The following UNC5D variants were observed in gnomAD, a reference collection of about 807,000 sequenced individuals.
UNC5D encodes netrin receptor UNC5D.
A neutral mutation model predicts 105.4 loss-of-function variants in UNC5D; 39 were observed. The observed-to-expected ratio is 0.37, with a 90% confidence interval of 0.29 to 0.48. The LOEUF (loss-of-function observed/expected upper bound fraction) is 0.48. Ranked by LOEUF, UNC5D falls within the 20% of genes least tolerant of loss-of-function variation. The pLI, the probability that UNC5D is intolerant of heterozygous loss-of-function variation, is 0.98. For missense variants in UNC5D, 991 were observed against 1,202.4 expected, an observed-to-expected ratio of 0.82 and a Z score of 2.60; for synonymous variants, 452 against 450.4, an observed-to-expected ratio of 1.00 and a Z score of -0.04.
At position 35,774,379 on chromosome 8, in the gene UNC5D, T is replaced by C; in HGVS notation, c.2559T>C (p.Ile853=). 6.2e-7 allele frequency: 1 copy of C among 1,613,972 alleles called. No individual in the cohort carries two copies. Among genetic ancestry groups the C allele is most frequent in the South Asian group, 1.1e-5 (1 of 91,078 alleles). The change falls in exon 16 of 17, where the codon ATT becomes ATC. Residue 853 remains isoleucine, a synonymous_variant. Coordinates refer to ENST00000404895, the MANE Select transcript of UNC5D (RefSeq NM_080872.4). ...PAQTGPKAFK[I]PYSIRQRICA... is the part of the protein sequence containing the mutation. ...AGACTGGCCCCAAAGCCTTCAAAAT[T>C]CCCTACTCCATCAGACAGCGGATTT...
chr8:35,371,620 T>C (rs993022800), intron 1 of UNC5D, among the ~76,000 whole-genome samples: 1 of 152,134 alleles, frequency 6.6e-6, no homozygotes. Context: ...TACCAAGTTA[T>C]GGTTTGTTAT....
intron 1 of UNC5D, among the ~76,000 whole-genome samples, chr8:35,350,383 C>G (rs568838634): frequency 1.3e-5 from 2 of 152,028 alleles, no homozygotes; most frequent in South Asian, 4.1e-4. Context: ...TCTCCCTTAG[C>G]GTAGGTGTCT....
intron 1 of UNC5D, among the ~76,000 whole-genome samples, chr8:35,502,736 T>C (rs1426742125): frequency 1.3e-5 from 2 of 151,704 alleles, no homozygotes. Flanking sequence ...TTTTTTTTTT[T>C]TTGTATTTTT....
chr8:35,389,626 A>G (rs900592010), intron 1 of UNC5D, among the ~76,000 whole-genome samples: 1 of 152,030 alleles, frequency 6.6e-6, no homozygotes, highest in Non-Finnish European at 1.5e-5. Flanking sequence ...CATTCTTTGC[A>G]TGGTTAAATA....
chr8:35,385,202 G>A (rs1803309290), intron 1 of UNC5D, among the ~76,000 whole-genome samples: 1 of 152,130 alleles, frequency 6.6e-6, no homozygotes, highest in South Asian at 2.1e-4. Flanking sequence ...GCAGCATGGG[G>A]ATTACTCCTT....
chr8:35,705,843 G>T, intron 7 of UNC5D, 86 bp from the exon 8 acceptor site: 1 of 763,548 alleles, frequency 1.3e-6, no homozygotes, highest in Non-Finnish European at 2.0e-6. Context: ...ATTTATAGAG[G>T]TAGATATAAA....
chr8:35,273,603 C>T (rs1473370493), intron 1 of UNC5D, among the ~76,000 whole-genome samples: 1 of 152,158 alleles, frequency 6.6e-6, no homozygotes, highest in Non-Finnish European at 1.5e-5. Flanking sequence ...AGGTGGATTT[C>T]AGAAGTATTT....
intron 1 of UNC5D, among the ~76,000 whole-genome samples, chr8:35,309,839 C>T (rs898112203): frequency 1.3e-5 from 2 of 152,116 alleles, no homozygotes; most frequent in African/African-American, 4.8e-5. Context: ...CAAATAATTG[C>T]ATGTTAAGCA....
chr8:35,360,808 T>C (rs921571385), intron 1 of UNC5D, among the ~76,000 whole-genome samples: 18 of 152,132 alleles, frequency 1.2e-4, no homozygotes, highest in Non-Finnish European at 1.6e-4. Context: ...ATTGGCAATA[T>C]ATATTTTTTA....
intron 1 of UNC5D, among the ~76,000 whole-genome samples, chr8:35,301,785 C>T (rs937140872): frequency 6.6e-6 from 1 of 151,996 alleles, no homozygotes; most frequent in Non-Finnish European, 1.5e-5. Flanking sequence ...TAAATAAACA[C>T]TTGAATAGAA....
intron 1 of UNC5D, among the ~76,000 whole-genome samples, chr8:35,409,466 A>G (rs1006570919): frequency 2.7e-5 from 4 of 149,392 alleles, no homozygotes; most frequent in East Asian, 1.9e-4. Flanking sequence ...CTGGTTTCTC[A>G]TGGTTTTAAC....
chr8:35,601,182 A>G (rs1257128209), intron 4 of UNC5D, among the ~76,000 whole-genome samples: 1 of 152,126 alleles, frequency 6.6e-6, no homozygotes, highest in Non-Finnish European at 1.5e-5. Flanking sequence ...TACCAGTACC[A>G]TGCTGTTTTG....
At chr8:35,589,601 A>T (rs1819027627) in intron 3 of UNC5D, among the ~76,000 whole-genome samples, 1 of 152,142 alleles carries the variant, frequency 6.6e-6, no homozygotes, top group East Asian at 1.9e-4. Context: ...GAATATTTCC[A>T]TCACAACATA....
intron 1 of UNC5D, among the ~76,000 whole-genome samples, chr8:35,343,868 G>A (rs74567754): frequency 2.0e-5 from 3 of 152,182 alleles, no homozygotes; most frequent in East Asian, 3.9e-4. Context: ...TTCTATTTAA[G>A]GACTGCTTTT....
intron 3 of UNC5D, among the ~76,000 whole-genome samples, chr8:35,594,731 T>C (rs905271396): frequency 2.6e-5 from 4 of 152,192 alleles, no homozygotes; most frequent in African/African-American, 9.7e-5. Flanking sequence ...TGTCCATCTA[T>C]GTCCTTTTCC....
At chr8:35,748,320 A>G (rs1830101543) in intron 11 of UNC5D, among the ~76,000 whole-genome samples, 1 of 152,182 alleles carries the variant, frequency 6.6e-6, no homozygotes, top group South Asian at 2.1e-4. Context: ...CAAAACCTAG[A>G]TTTGAAATCT....
intron 4 of UNC5D, among the ~76,000 whole-genome samples, chr8:35,598,367 G>A (rs1169225488): frequency 6.6e-6 from 1 of 152,126 alleles, no homozygotes; most frequent in Non-Finnish European, 1.5e-5. Context: ...TGCTGCTCAA[G>A]GCTATTTTCA....
chr8:35,244,264 T>G (rs751136865), intron 1 of UNC5D, among the ~76,000 whole-genome samples: 4 of 152,208 alleles, frequency 2.6e-5, no homozygotes, highest in Non-Finnish European at 4.4e-5. Context: ...AAGCCAAGCC[T>G]TCATGGTTTC....
intron 1 of UNC5D, among the ~76,000 whole-genome samples, chr8:35,265,403 C>A (rs1433739941): frequency 6.6e-6 from 1 of 152,072 alleles, no homozygotes; most frequent in South Asian, 2.1e-4. Context: ...TCTCTATTAC[C>A]AGCATGTCAA....
Sources: allele counts gnomAD v4.1 joint callset (sites outside exome capture counted in the v4.1 genomes callset), GRCh38; gene constraint gnomAD v4.1.1; transcripts MANE v1.5; gene names NCBI Gene and HGNC (gene_info 2026-07-23, HGNC 2026-07-21).